CHD7: variants seen among roughly 807,000 people sequenced by gnomAD.
CHD7 encodes the protein chromodomain helicase DNA binding protein 7.
A neutral mutation model predicts 307.3 loss-of-function variants in CHD7; 24 were observed. The observed-to-expected ratio is 0.08, with a 90% CI of 0.06 to 0.11. CHD7 has a LOEUF of 0.11. Ranked by LOEUF, CHD7 falls within the 10% of genes least tolerant of loss-of-function variation. The pLI is 1.00. For missense variants in CHD7, 3,106 were observed against 3,727.1 expected, an observed-to-expected ratio of 0.83 and a Z score of 4.34; for synonymous variants, 1,363 against 1,349.9, an observed-to-expected ratio of 1.01 and a Z score of -0.21.
At chr8:60,708,182 G>A (rs1321632079) in intron 1 of CHD7, among the ~76,000 whole-genome samples, 1 of 152,190 alleles carries the variant, frequency 6.6e-6, no homozygotes, top group Admixed American at 6.5e-5. Flanking sequence ...ATGAATCTGG[G>A]ATTATTTTTA....
intron 1 of CHD7, among the ~76,000 whole-genome samples, chr8:60,703,476 C>CA (rs1359926978): frequency 6.6e-5 from 10 of 152,134 alleles, no homozygotes; most frequent in African/African-American, 2.4e-4. Context: ...GAAAACAAAA[C>CA]AAAAACAGAA....
At chr8:60,720,943 T>C (rs1488528264) in intron 1 of CHD7, among the ~76,000 whole-genome samples, 4 of 152,232 alleles carry the variant, frequency 2.6e-5, no homozygotes, top group African/African-American at 9.6e-5. Flanking sequence ...CTTAGAGCCC[T>C]GCTCAGCAGC....
chr8:60,730,984 A>C (rs1808425605), intron 1 of CHD7, among the ~76,000 whole-genome samples: 1 of 152,200 alleles, frequency 6.6e-6, no homozygotes, highest in Admixed American at 6.5e-5. Context: ...CCAGGACATA[A>C]ATTATTCCTC....
chr8:60,810,380 A>AGTGTGTGTGT (rs112629399), intron 7 of CHD7, among the ~76,000 whole-genome samples: 83 of 146,092 alleles, frequency 5.7e-4, no homozygotes, highest in Middle Eastern at 3.5e-3. Context: ...AGAGAGAGAG[A>AGTGTGTGTGT]GTGTGTGTGT....
chr8:60,756,059 A>T (rs1216888239), intron 2 of CHD7, among the ~76,000 whole-genome samples: 1 of 152,236 alleles, frequency 6.6e-6, no homozygotes, highest in Non-Finnish European at 1.5e-5. Flanking sequence ...TGAAATTTTA[A>T]TTTTATTTGA....
At position 60,852,927 on chromosome 8, in the gene CHD7, G is replaced by C; in HGVS notation, c.6202G>C (p.Val2068Leu). The change falls in exon 31 of 38, where the codon GTT becomes CTT. Residue 2068 changes from valine (V) to leucine (L), a missense_variant. Physicochemically the swap from Val to Leu is conservative, Grantham distance 32. Coordinates refer to ENST00000423902, the MANE Select transcript of CHD7 (RefSeq NM_017780.4). The part of the protein sequence containing the change: ...IELLRKIREQ[V>L]LHHPQLGERL... ...GCTGCTACGGAAGATCCGCGAGCAGGTTCTCCATCACCCCCAGCTGGGAGA... is the reference window on the plus strand; with the variant it reads ...GCTGCTACGGAAGATCCGCGAGCAGCTTCTCCATCACCCCCAGCTGGGAGA... The C allele has an allele frequency of 6.2e-7, 1 of 1,613,954 alleles. No homozygotes were observed. Among genetic ancestry groups the C allele is most frequent in the Non-Finnish European group, 8.5e-7 (1 of 1,179,890 alleles).
intron 2 of CHD7, among the ~76,000 whole-genome samples, chr8:60,743,671 T>C (rs927212690): frequency 2.0e-5 from 3 of 152,254 alleles, no homozygotes; most frequent in African/African-American, 7.2e-5. Context: ...GTTTGGTCTC[T>C]AAAAGATTTG....
intron 8 of CHD7, among the ~76,000 whole-genome samples, chr8:60,817,282 T>C (rs1042463995): frequency 2.6e-5 from 4 of 152,244 alleles, no homozygotes; most frequent in Admixed American, 1.3e-4. Context: ...GTTGACAGAA[T>C]GTAGACTTTA....
chr8:60,854,379 A>G lies in CHD7; in HGVS notation c.6792A>G (p.Arg2264=). The G allele has an allele frequency of 1.9e-6, 3 of 1,613,626 alleles. No individual in the cohort carries two copies. The highest frequency in any genetic ancestry group is 2.5e-6 in the Non-Finnish European group (3 of 1,179,704). The change falls in exon 32 of 38, where the codon AGA becomes AGG. Residue 2264 remains arginine (R), a synonymous_variant. Transcript: ENST00000423902. ...SSQPEAGAVS[R]GKNFDEESNA... Reference sequence around the variant, plus strand: ...ATTTCTCAGCAGGAGCTGTCTCTAGAGGGAAGAATTTTGATGAAGAAAGCA... The same window carrying G: ...ATTTCTCAGCAGGAGCTGTCTCTAGGGGGAAGAATTTTGATGAAGAAAGCA...
In CHD7 at chr8:60,703,240, G is replaced by A. The variant is rs561449647; in HGVS notation, c.-175+24158G>A. ...ACTAAATGCATATTCATAATGTTAC[G>A]CATCCATCACCAGCATCCATCTCCA... On this transcript the variant is annotated intron_variant, in intron 1 of 37. Coordinates refer to ENST00000423902, the MANE Select transcript of CHD7 (RefSeq NM_017780.4). 1.1e-4 allele frequency among the ~76,000 whole-genome samples: 17 copies of A among 152,096 alleles called. No homozygotes were observed. The South Asian group carries it at 1.2e-3, about 11-fold the overall frequency.
Position 60,742,089 on chromosome 8 carries a change from C to T in CHD7, c.657C>T (p.Gly219=), listed in dbSNP as rs113483301. Residue 219 remains glycine (G), a synonymous_variant, in exon 2 of 38, where the codon GGC becomes GGT. Transcript: ENST00000423902. ...RMSQFSQGQE[G]LNQGNPFIAT... is the part of the protein sequence containing the mutation. ...GCCAGTTTTCCCAAGGCCAAGAGGG[C>T]CTCAATCAGGGAAATCCTTTTATTG... 1.5e-3 allele frequency: 2,344 copies of T among 1,613,958 alleles called. 34 individuals carry two copies. The African/African-American group carries it at 0.028, about 19-fold the overall frequency.
At chr8:60,755,060 A>G in intron 2 of CHD7, among the ~76,000 whole-genome samples, 1 of 152,204 alleles carries the variant, frequency 6.6e-6, no homozygotes, top group Admixed American at 6.5e-5. Flanking sequence ...GTTGACTGGC[A>G]CTGAAGGCCC....
chr8:60,686,643 G>C (rs1388874131), intron 1 of CHD7, among the ~76,000 whole-genome samples: 1 of 152,172 alleles, frequency 6.6e-6, no homozygotes, highest in Non-Finnish European at 1.5e-5. Flanking sequence ...ATCTGCTGCT[G>C]AGCAGGGACC....
intron 1 of CHD7, among the ~76,000 whole-genome samples, chr8:60,690,637 A>C (rs1165351058): frequency 6.6e-6 from 1 of 152,234 alleles, no homozygotes; most frequent in Non-Finnish European, 1.5e-5. Context: ...TACATTAATA[A>C]GGACACAATT....
intron 4 of CHD7, 69 bp downstream of exon 4, chr8:60,795,196 A>G: frequency 7.0e-7 from 1 of 1,423,262 alleles, no homozygotes; most frequent in Non-Finnish European, 9.7e-7. Context: ...TGTATGAAGT[A>G]CACAAGACCT....
intron 8 of CHD7, among the ~76,000 whole-genome samples, chr8:60,819,203 T>G (rs1167268819): frequency 1.3e-5 from 2 of 152,188 alleles, no homozygotes; most frequent in Non-Finnish European, 2.9e-5. Flanking sequence ...TCCGCCTGCC[T>G]TGGCCTCCCA....
rs1429341212 is a variant in CHD7, at chr8:60,820,098, G to A, written c.2697+8G>A. 1.3e-6 allele frequency: 2 copies of A among 1,583,956 alleles called. No homozygotes were observed. Among genetic ancestry groups the A allele is most frequent in the Non-Finnish European group, 1.7e-6 (2 of 1,156,848 alleles). The stretch of plus-strand genomic sequence containing the variant: ...ACAGATGACCGGGGAGAGGTAACAG[G>A]AGATCATTTGTATTACAAAGTGGTG... On this transcript the variant is annotated splice_region_variant and intron_variant, in intron 9 of 37. Transcript: ENST00000423902.
intron 2 of CHD7, among the ~76,000 whole-genome samples, chr8:60,768,767 C>T (rs979268174): frequency 1.3e-5 from 2 of 151,888 alleles, no homozygotes; most frequent in African/African-American, 2.4e-5. Context: ...AGATATCAGA[C>T]GACTATTACA....
At chr8:60,828,615 A>G (rs1196250778) in intron 13 of CHD7, 48 bp from the exon 14 acceptor site, 1 of 1,549,312 alleles carries the variant, frequency 6.5e-7, no homozygotes, top group Non-Finnish European at 8.7e-7. Flanking sequence ...GTTTTAAGAA[A>G]GTGTTTTTGT....
Sources: allele counts gnomAD v4.1 joint callset (sites outside exome capture counted in the v4.1 genomes callset), GRCh38; gene constraint gnomAD v4.1.1; transcripts MANE v1.5; gene names NCBI Gene and HGNC (gene_info 2026-07-23, HGNC 2026-07-21).